CAGE1: variants seen among roughly 807,000 people sequenced by gnomAD.
The protein encoded by CAGE1 is cancer antigen 1.
CAGE1 carries 66 observed loss-of-function variants against 94.9 expected under a neutral mutation model. That is an observed-to-expected ratio of 0.70 (90% CI 0.57 to 0.85). The LOEUF (loss-of-function observed/expected upper bound fraction) is 0.85. CAGE1 is among the 40% of genes least tolerant of loss of function. The probability of loss-of-function intolerance (pLI) is 0.00; values close to 1 mark genes in which losing one functional copy is unlikely to be tolerated. For synonymous variants in CAGE1, 319 were observed against 321.0 expected, an observed-to-expected ratio of 0.99 and a Z score of 0.07; for missense variants, 865 against 950.4, an observed-to-expected ratio of 0.91 and a Z score of 1.18.
At chr6:7,367,536 A>G (rs1034881553) in intron 7 of CAGE1, among the ~76,000 whole-genome samples, 1 of 152,076 alleles carries the variant, frequency 6.6e-6, no homozygotes, top group African/African-American at 2.4e-5. Flanking sequence ...CAGCCTCCCA[A>G]AATGCTGGGA....
At chr6:7,355,906 G>A in intron 10 of CAGE1, 119 bp downstream of exon 10, 2 of 609,640 alleles carry the variant, frequency 3.3e-6, no homozygotes, top group Non-Finnish European at 2.9e-6. Context: ...ATGAGACTGA[G>A]GCAAGGAGGC....
chr6:7,357,640 C>G (rs1024046884), intron 9 of CAGE1, among the ~76,000 whole-genome samples: 7 of 151,742 alleles, frequency 4.6e-5, no homozygotes, highest in Non-Finnish European at 1.0e-4. Flanking sequence ...CTGCAGAAGC[C>G]GGGTTTTTAG....
Position 7,361,249 on chromosome 6 carries a change from C to T in CAGE1, c.2193+4219G>A, listed in dbSNP as rs145669992. ...TCATCCAAGTGAAACAACCATGTCT[C>T]TGTAGCAAATTAGAAGGATGTTTCC... On this transcript the variant is annotated intron_variant, in intron 9 of 13. Coordinates refer to ENST00000502583, the MANE Select transcript of CAGE1 (RefSeq NM_001170692.2). 2.8e-3 allele frequency among the ~76,000 whole-genome samples: 423 copies of T among 152,246 alleles called. 4 individuals carry two copies. Among genetic ancestry groups the T allele is most frequent in the African/African-American group, 9.4e-3 (391 of 41,536 alleles).
chr6:7,356,269 G>C, intron 9 of CAGE1, 140 bp from the exon 10 acceptor site: 1 of 602,460 alleles, frequency 1.7e-6, no homozygotes, highest in Non-Finnish European at 2.9e-6. Context: ...GGTGAAGCAT[G>C]AGAGGCTATG....
chr6:7,378,499 C>G, intron 4 of CAGE1, 118 bp downstream of exon 4: 2 of 780,840 alleles, frequency 2.6e-6, no homozygotes, highest in Non-Finnish European at 4.0e-6. Flanking sequence ...TAATACTCCA[C>G]AGGCTTTACT....
At chr6:7,360,077 TC>T (rs1447761810) in intron 9 of CAGE1, among the ~76,000 whole-genome samples, 1 of 152,202 alleles carries the variant, frequency 6.6e-6, no homozygotes, top group Non-Finnish European at 1.5e-5. Flanking sequence ...CCAGCAAGTG[TC>T]GTAGCTTTGA....
intron 3 of CAGE1, among the ~76,000 whole-genome samples, chr6:7,382,801 T>G (rs2113472462): frequency 6.6e-6 from 1 of 152,026 alleles, no homozygotes; most frequent in East Asian, 2.0e-4. Context: ...GTTTCATTAC[T>G]CAGGAGGCCG....
chr6:7,370,940 A>G (rs893426653), intron 5 of CAGE1, among the ~76,000 whole-genome samples: 8 of 152,270 alleles, frequency 5.3e-5, no homozygotes, highest in Admixed American at 1.3e-4. Context: ...AACTATAAGC[A>G]GAGTAAGTAT....
At chr6:7,336,087 G>A (rs866639849) in intron 11 of CAGE1, among the ~76,000 whole-genome samples, 1 of 152,306 alleles carries the variant, frequency 6.6e-6, no homozygotes, top group Middle Eastern at 3.4e-3. Context: ...ATAAAGAGAA[G>A]TTGTCAAACC....
chr6:7,356,408 A>C (rs1368328096), intron 9 of CAGE1, among the ~76,000 whole-genome samples: 1 of 152,234 alleles, frequency 6.6e-6, no homozygotes, highest in East Asian at 1.9e-4. Context: ...ACAAATATTT[A>C]TCAGCCCCAA....
At chr6:7,384,237 C>T (rs951277270) in intron 3 of CAGE1, among the ~76,000 whole-genome samples, 1 of 152,038 alleles carries the variant, frequency 6.6e-6, no homozygotes, top group Non-Finnish European at 1.5e-5. Context: ...ACCATCATGC[C>T]CGGCTAATTT....
At chr6:7,336,941 G>A (rs773621603) in intron 11 of CAGE1, among the ~76,000 whole-genome samples, 40 of 152,204 alleles carry the variant, frequency 2.6e-4, no homozygotes, top group Non-Finnish European at 2.5e-4. Flanking sequence ...CATTACATCT[G>A]GATAGAAGTT....
chr6:7,335,588 T>C (rs961398815), intron 11 of CAGE1, among the ~76,000 whole-genome samples: 1 of 152,250 alleles, frequency 6.6e-6, no homozygotes, highest in Non-Finnish European at 1.5e-5. Flanking sequence ...TTTTAAAGTT[T>C]TACTATTCAG....
At chr6:7,372,269 C>T (rs1022732677) in intron 5 of CAGE1, among the ~76,000 whole-genome samples, 1 of 151,898 alleles carries the variant, frequency 6.6e-6, no homozygotes, top group Non-Finnish European at 1.5e-5. Flanking sequence ...GTCATGAATT[C>T]GAGACCAGCC....
chr6:7,329,982 TC>T lies in CAGE1; in HGVS notation c.2439-95del, dbSNP rs762517643. On this transcript the variant is annotated intron_variant, in intron 12 of 13. Coordinates refer to ENST00000502583, the MANE Select transcript of CAGE1 (RefSeq NM_001170692.2). ...CAAGTTGCCATTATTTAGCATATTTTCCCCTCACTTTCAAGGAGAAATCGTC... is the reference window on the plus strand; with the variant it reads ...CAAGTTGCCATTATTTAGCATATTTTCCCTCACTTTCAAGGAGAAATCGTC... The T allele has an allele frequency of 5.9e-4, 363 of 615,632 alleles. 3 individuals are homozygous for T. In the East Asian group the frequency reaches 6.6e-3, roughly 11 times the overall value. 38.1% of individuals were successfully genotyped at this position (615,632 alleles called of 1,614,324 possible). A position where few individuals can be genotyped will look rare whatever the true frequency, so the allele number is the denominator to read the frequency against.
intron 7 of CAGE1, among the ~76,000 whole-genome samples, chr6:7,367,798 G>A (rs545076029): frequency 1.2e-4 from 19 of 152,138 alleles, no homozygotes; most frequent in African/African-American, 1.9e-4. Flanking sequence ...GTTTGAATAC[G>A]TTTTGATTCC....
intron 11 of CAGE1, among the ~76,000 whole-genome samples, chr6:7,344,686 T>C (rs1454527155): frequency 3.9e-5 from 6 of 152,240 alleles, no homozygotes; most frequent in Non-Finnish European, 8.8e-5. Context: ...CTTCTGAGTC[T>C]GGTGGGAAGG....
chr6:7,344,349 T>G (rs1267806492), intron 11 of CAGE1, among the ~76,000 whole-genome samples: 1 of 152,084 alleles, frequency 6.6e-6, no homozygotes, highest in African/African-American at 2.4e-5. Flanking sequence ...CAATGAGGGG[T>G]TTAGCACCCG....
chr6:7,338,617 G>C (rs1759050663), intron 11 of CAGE1, among the ~76,000 whole-genome samples: 1 of 152,072 alleles, frequency 6.6e-6, no homozygotes, highest in Admixed American at 6.5e-5. Flanking sequence ...AGATTCTAGG[G>C]ATTAGAACAT....
Sources: gnomAD v4.1 joint callset for allele counts (sites outside exome capture counted in the v4.1 genomes callset) on GRCh38, gnomAD v4.1.1 for gene constraint, MANE v1.5 for transcripts, NCBI Gene and HGNC (gene_info 2026-07-23, HGNC 2026-07-21) for gene names.